Variants in ARSB observed in about 807,000 individuals in gnomAD.
The protein encoded by ARSB is arylsulfatase B, also known as N-acetylgalactosamine-4-sulfatase.
In ARSB, 41 loss-of-function variants were observed where a neutral mutation model predicts 50.9. The observed-to-expected ratio is 0.81, with a 90% CI of 0.63 to 1.04. The LOEUF is 1.04. Among genes scored for constraint, ARSB ranks in the 50% least tolerant of loss-of-function variants. The pLI is 0.00. For synonymous variants in ARSB, 269 were observed against 284.8 expected, an observed-to-expected ratio of 0.94 and a Z score of 0.56; for missense variants, 672 against 693.3, an observed-to-expected ratio of 0.97 and a Z score of 0.35.
At chr5:78,819,059 G>A (rs992283269) in intron 6 of ARSB, among the ~76,000 whole-genome samples, 1 of 152,190 alleles carries the variant, frequency 6.6e-6, no homozygotes, top group African/African-American at 2.4e-5. Flanking sequence ...TAGATTTATA[G>A]TTGAGATTTC....
chr5:78,888,577 T>C (rs574801853), intron 4 of ARSB, among the ~76,000 whole-genome samples: 1 of 152,358 alleles, frequency 6.6e-6, no homozygotes, highest in East Asian at 1.9e-4. Flanking sequence ...AGGTATTATG[T>C]AGTGTCCTTC....
At chr5:78,985,813 C>T (rs1220031533), upstream of ARSB, 1 of 152,190 alleles carries the variant, frequency 6.6e-6, no homozygotes, top group Non-Finnish European at 1.5e-5. Context: ...AGGCAGAGGT[C>T]TAAATAGCCT....
chr5:78,830,910 A>G (rs528750515), intron 6 of ARSB, among the ~76,000 whole-genome samples: 1 of 152,178 alleles, frequency 6.6e-6, no homozygotes, highest in South Asian at 2.1e-4. Flanking sequence ...CGGAAGCAGC[A>G]ACTCCCACTC....
At chr5:78,919,883 C>T (rs2112346716) in intron 4 of ARSB, among the ~76,000 whole-genome samples, 1 of 152,280 alleles carries the variant, frequency 6.6e-6, no homozygotes, top group South Asian at 2.1e-4. Context: ...TGATACATAC[C>T]TCTAGAAGCC....
chr5:78,908,610 C>T (rs1421679223), intron 4 of ARSB, among the ~76,000 whole-genome samples: 3 of 152,148 alleles, frequency 2.0e-5, no homozygotes, highest in Non-Finnish European at 4.4e-5. Context: ...AGAGCATTCT[C>T]AGTTAATGGC....
chr5:78,930,151 G>C (rs1303014455), intron 4 of ARSB, among the ~76,000 whole-genome samples: 3 of 152,094 alleles, frequency 2.0e-5, no homozygotes, highest in Admixed American at 2.0e-4. Context: ...AAACAAAAGG[G>C]GACACCAAAG....
chr5:78,810,404 G>T (rs934977357), intron 6 of ARSB, among the ~76,000 whole-genome samples: 1 of 152,178 alleles, frequency 6.6e-6, no homozygotes, highest in Non-Finnish European at 1.5e-5. Context: ...AAATGCAGTT[G>T]GTGCCTGTGA....
At chr5:78,952,157 C>T (rs940015732) in intron 4 of ARSB, among the ~76,000 whole-genome samples, 1 of 151,852 alleles carries the variant, frequency 6.6e-6, no homozygotes, top group Admixed American at 6.6e-5. Context: ...AATGTTACTA[C>T]TACCAGCTTG....
intron 1 of ARSB, among the ~76,000 whole-genome samples, chr5:78,972,592 A>C (rs934304499): frequency 6.6e-6 from 1 of 151,932 alleles, no homozygotes; most frequent in Admixed American, 6.5e-5. Flanking sequence ...AGCTTACTGA[A>C]GAGAAAATTG....
At chr5:78,871,582 A>C (rs915477025) in intron 5 of ARSB, among the ~76,000 whole-genome samples, 21 of 147,660 alleles carry the variant, frequency 1.4e-4, no homozygotes, top group Non-Finnish European at 2.7e-4. Flanking sequence ...TCCCTATTTA[A>C]TAAATGGTGC....
intron 5 of ARSB, among the ~76,000 whole-genome samples, chr5:78,842,372 T>C (rs11746751): frequency 0.13 from 19,123 of 152,152 alleles, 1,406 homozygotes; most frequent in Middle Eastern, 0.21. Context: ...GACCAGTAAA[T>C]GGCAGAGACA....
chr5:78,787,732 G>C (rs1195174325), intron 6 of ARSB, among the ~76,000 whole-genome samples: 1 of 152,222 alleles, frequency 6.6e-6, no homozygotes, highest in African/African-American at 2.4e-5. Context: ...ACGGGAAATA[G>C]TGGGGAGTAA....
At chr5:78,781,074 T>C (rs1748910506) in intron 7 of ARSB, among the ~76,000 whole-genome samples, 1 of 152,152 alleles carries the variant, frequency 6.6e-6, no homozygotes, top group East Asian at 1.9e-4. Flanking sequence ...GCCTTAACCA[T>C]CATCCCACAT....
intron 6 of ARSB, among the ~76,000 whole-genome samples, chr5:78,824,957 C>T (rs938752317): frequency 6.6e-6 from 1 of 152,178 alleles, no homozygotes; most frequent in Non-Finnish European, 1.5e-5. Flanking sequence ...TTTTCTCTCA[C>T]TTGCTTACTT....
At chr5:78,976,117 C>T (rs1439095970) in intron 1 of ARSB, among the ~76,000 whole-genome samples, 4 of 151,714 alleles carry the variant, frequency 2.6e-5, no homozygotes, top group Non-Finnish European at 4.4e-5. Context: ...CATAACATGC[C>T]TCCAAGCGAT....
At chr5:78,818,710 T>C (rs1430849235) in intron 6 of ARSB, among the ~76,000 whole-genome samples, 1 of 140,580 alleles carries the variant, frequency 7.1e-6, no homozygotes, top group African/African-American at 2.6e-5. Context: ...CTCCGCCTCC[T>C]GGGTCCATGC....
intron 1 of ARSB, among the ~76,000 whole-genome samples, chr5:78,972,522 C>CACACACAT: frequency 6.6e-6 from 1 of 151,368 alleles, no homozygotes; most frequent in South Asian, 2.1e-4. Context: ...TACGTACACA[C>CACACACAT]ACACACACAC....
chr5:78,962,509 T>C (rs144688350), intron 3 of ARSB, among the ~76,000 whole-genome samples: 13 of 150,232 alleles, frequency 8.7e-5, no homozygotes, highest in African/African-American at 2.9e-4. Context: ...GTGTTTTCAC[T>C]TCTACATGTG....
At chr5:78,820,674 G>C (rs1744177950) in intron 6 of ARSB, among the ~76,000 whole-genome samples, 1 of 152,176 alleles carries the variant, frequency 6.6e-6, no homozygotes, top group Non-Finnish European at 1.5e-5. Flanking sequence ...GGGTTTCTCA[G>C]CCTCAGCATT....
Sources: allele counts gnomAD v4.1 joint callset (sites outside exome capture counted in the v4.1 genomes callset), GRCh38; gene constraint gnomAD v4.1.1; transcripts MANE v1.5; gene names NCBI Gene and HGNC (gene_info 2026-07-23, HGNC 2026-07-21).